Variants in FER observed in about 807,000 individuals in gnomAD.
FER encodes the protein FER tyrosine kinase.
FER carries 63 observed loss-of-function variants against 111.0 expected under a neutral mutation model. The observed-to-expected ratio is 0.57, with a 90% CI of 0.46 to 0.70. FER has a LOEUF of 0.70. Among genes scored for constraint, FER ranks in the 30% least tolerant of loss-of-function variants. The pLI is 0.00. For synonymous variants in FER, 327 were observed against 313.9 expected (o/e 1.04, Z -0.44); for missense variants, 914 against 954.0 (o/e 0.96, Z 0.55).
chr5:109,116,677 C>T (rs1013139215), intron 17 of FER, among the ~76,000 whole-genome samples: 2 of 152,060 alleles, frequency 1.3e-5, no homozygotes, highest in Admixed American at 6.6e-5. Context: ...CACCATATTT[C>T]GAGATAATTG....
chr5:108,874,722 A>G (rs887008829), intron 8 of FER, among the ~76,000 whole-genome samples: 25 of 151,976 alleles, frequency 1.6e-4, no homozygotes, highest in Non-Finnish European at 2.6e-4. Flanking sequence ...ATATTATTCT[A>G]ATAGAAGTGA....
chr5:108,776,281 T>C (rs1273100882), intron 2 of FER, among the ~76,000 whole-genome samples: 1 of 152,112 alleles, frequency 6.6e-6, no homozygotes, highest in Non-Finnish European at 1.5e-5. Context: ...TAGTGTACTT[T>C]CAGTAGTATA....
intron 14 of FER, among the ~76,000 whole-genome samples, chr5:109,041,883 C>A (rs1483215076): frequency 6.6e-6 from 1 of 152,066 alleles, no homozygotes; most frequent in African/African-American, 2.4e-5. Flanking sequence ...ACACTGTGTT[C>A]TATCTGCAGG....
chr5:109,182,413 A>G (rs1758376828), intron 18 of FER, among the ~76,000 whole-genome samples: 1 of 152,206 alleles, frequency 6.6e-6, no homozygotes, highest in African/African-American at 2.4e-5. Flanking sequence ...GAATCTAGAA[A>G]AAATGGCAGA....
intron 9 of FER, among the ~76,000 whole-genome samples, chr5:108,890,656 A>G (rs1205938124): frequency 6.6e-6 from 1 of 152,040 alleles, no homozygotes; most frequent in Non-Finnish European, 1.5e-5. Flanking sequence ...ATCTCATCTT[A>G]ACTACATCTG....
intron 5 of FER, among the ~76,000 whole-genome samples, chr5:108,858,085 G>A (rs1205838548): frequency 6.6e-6 from 1 of 152,118 alleles, no homozygotes. Flanking sequence ...TAAGCAACAC[G>A]TACACATTCA....
chr5:108,845,032 A>G (rs1461092157), intron 5 of FER, among the ~76,000 whole-genome samples: 4 of 54,690 alleles, frequency 7.3e-5, no homozygotes, highest in African/African-American at 6.5e-5. Flanking sequence ...ATATATATAT[A>G]TATATATACA....
At chr5:109,013,264 G>A (rs1050456293) in intron 13 of FER, among the ~76,000 whole-genome samples, 2 of 121,786 alleles carry the variant, frequency 1.6e-5, no homozygotes, top group African/African-American at 6.6e-5. Flanking sequence ...GAAGTGTGAT[G>A]TACCCCTTCC....
At chr5:109,080,841 T>C (rs996571676) in intron 16 of FER, among the ~76,000 whole-genome samples, 3 of 152,048 alleles carry the variant, frequency 2.0e-5, no homozygotes, top group African/African-American at 4.8e-5. Flanking sequence ...TGGAGAAGGA[T>C]TGCACAGGAG....
intron 6 of FER, among the ~76,000 whole-genome samples, chr5:108,869,047 G>T (rs924338859): frequency 2.6e-5 from 4 of 151,998 alleles, no homozygotes; most frequent in African/African-American, 9.7e-5. Context: ...AGTAGGATAT[G>T]AATAACTCCC....
chr5:108,808,778 G>A (rs1289658151), intron 3 of FER, among the ~76,000 whole-genome samples: 8 of 152,076 alleles, frequency 5.3e-5, no homozygotes, highest in Non-Finnish European at 1.0e-4. Flanking sequence ...CTTGTGAGGC[G>A]ACCTGGTATA....
chr5:109,071,826 A>G (rs1248508720), intron 16 of FER, among the ~76,000 whole-genome samples: 1 of 151,994 alleles, frequency 6.6e-6, no homozygotes, highest in Non-Finnish European at 1.5e-5. Flanking sequence ...TTAAGCAACA[A>G]ATTAATGAGT....
chr5:108,841,767 C>A, intron 5 of FER: 1 of 345,344 alleles, frequency 2.9e-6, no homozygotes, highest in East Asian at 9.3e-5. Flanking sequence ...AGTGGGAGGT[C>A]TTTCTGGACC....
chr5:108,851,508 T>C (rs1042389860), intron 5 of FER, among the ~76,000 whole-genome samples: 6 of 152,104 alleles, frequency 3.9e-5, no homozygotes, highest in Non-Finnish European at 4.4e-5. Flanking sequence ...CCTATATATA[T>C]ACACATGCAG....
At chr5:109,154,100 G>A (rs766774656) in intron 17 of FER, among the ~76,000 whole-genome samples, 5 of 151,480 alleles carry the variant, frequency 3.3e-5, no homozygotes, top group Admixed American at 6.6e-5. Context: ...CATGCTGCTC[G>A]AAGAACGGGT....
chr5:108,993,525 T>G lies in FER; in HGVS notation c.1656+34178T>G, dbSNP rs563256462. On this transcript the variant is annotated intron_variant, in intron 13 of 19. Coordinates refer to ENST00000281092, the MANE Select transcript of FER (RefSeq NM_005246.4). ...CTTCGGCTCGGCATCAGAGGGAGAC[T>G]GTGGAAAGAGAGGGAGAGGGAGACT... Among the ~76,000 whole-genome samples, 1,450 of 149,186 alleles carry G rather than the reference T, an allele frequency of 9.7e-3. 20 individuals are homozygous for G. The highest frequency in any genetic ancestry group is 0.034 in the African/African-American group (1,381 of 40,080).
chr5:108,871,243 G>T (rs1041038167), intron 6 of FER, 122 bp from the exon 7 acceptor site: 8 of 711,880 alleles, frequency 1.1e-5, no homozygotes, highest in Non-Finnish European at 1.8e-5. Context: ...GGTGGTACAG[G>T]AAACAACCAT....
chr5:108,925,053 G>GA (rs959975743), intron 10 of FER, among the ~76,000 whole-genome samples: 3 of 151,618 alleles, frequency 2.0e-5, no homozygotes, highest in African/African-American at 7.3e-5. Context: ...TCAGTTTTGA[G>GA]AAAAATATGT....
At chr5:108,878,691 TTACAAA>T (rs1423625108) in intron 8 of FER, among the ~76,000 whole-genome samples, 1 of 152,118 alleles carries the variant, frequency 6.6e-6, no homozygotes, top group Non-Finnish European at 1.5e-5. Flanking sequence ...CTATACAAAC[TTACAAA>T]TACAAAATTA....
Sources: gnomAD v4.1 joint callset for allele counts (sites outside exome capture counted in the v4.1 genomes callset) on GRCh38, gnomAD v4.1.1 for gene constraint, MANE v1.5 for transcripts, NCBI Gene and HGNC (gene_info 2026-07-23, HGNC 2026-07-21) for gene names.